The following CX3CR1 variants were observed in gnomAD, a reference collection of about 807,000 sequenced individuals.
CX3CR1 encodes CX3C chemokine receptor 1.
For synonymous variants in CX3CR1, 168 were observed against 178.5 expected (o/e 0.94, Z 0.47); for missense variants, 363 against 432.4 (o/e 0.84, Z 1.42).
chr3:39,267,736 T>G lies in CX3CR1; in HGVS notation c.-9-1218A>C, dbSNP rs537208770. On this transcript the variant is annotated intron_variant, in intron 1 of 1. Coordinates refer to ENST00000399220, the MANE Select transcript of CX3CR1 (RefSeq NM_001337.4). Reference sequence around the variant, plus strand: ...CTGGGCTAGTCTCCGGGTGACTAATTCCCCCTACGATTACCAGCCCTATAG... The same window carrying G: ...CTGGGCTAGTCTCCGGGTGACTAATGCCCCCTACGATTACCAGCCCTATAG... Among the ~76,000 whole-genome samples the G allele has an allele frequency of 2.0e-5, 3 of 152,260 alleles. No homozygotes were observed. The East Asian group carries it at 5.8e-4, about 29-fold the overall frequency.
chr3:39,266,680 C>T (rs1369128315), intron 1 of CX3CR1, 162 bp from the exon 2 acceptor site: 3 of 794,166 alleles, frequency 3.8e-6, no homozygotes, highest in Non-Finnish European at 6.8e-6. Flanking sequence ...ATCCCCACAA[C>T]AGTCTTGTGA....
chr3:39,281,932 C>G (rs11917223), upstream of CX3CR1, among the ~76,000 whole-genome samples: 39,653 of 152,140 alleles, frequency 0.26, 6,031 homozygotes, highest in East Asian at 0.67. Context: ...GAACCAGCGT[C>G]CAGTGTCAGT....
the CX3CR1 span, among the ~76,000 whole-genome samples, chr3:39,290,319 A>G: frequency 6.6e-6 from 1 of 152,146 alleles, no homozygotes; most frequent in African/African-American, 2.4e-5. Flanking sequence ...CTAAAGAAGC[A>G]GCAATCCCTC....
At chr3:39,283,402 T>C (rs1473016178), upstream of CX3CR1, among the ~76,000 whole-genome samples, 2 of 152,144 alleles carry the variant, frequency 1.3e-5, no homozygotes, top group African/African-American at 4.8e-5. Flanking sequence ...TCTTGTGCTT[T>C]ATGTATAAAA....
At chr3:39,275,012 C>A (rs1200376455) in intron 1 of CX3CR1, among the ~76,000 whole-genome samples, 2 of 152,140 alleles carry the variant, frequency 1.3e-5, no homozygotes, top group Non-Finnish European at 2.9e-5. Context: ...CAGGCGCCCA[C>A]CACCATGCCC....
Position 39,266,241 on chromosome 3 carries a change from T to C in CX3CR1, c.269A>G (p.Tyr90Cys). The C allele has an allele frequency of 3.1e-6, 5 of 1,614,154 alleles. No individual in the cohort carries two copies. Among genetic ancestry groups the C allele is most frequent in the Non-Finnish European group, 3.4e-6 (4 of 1,180,032 alleles). The change falls in exon 2 of 2, where the codon TAT (tyrosine) becomes TGT (cysteine). Residue 90 changes from tyrosine to cysteine, a missense_variant. Coordinates refer to ENST00000399220, the MANE Select transcript of CX3CR1 (RefSeq NM_001337.4). Reference protein sequence around the residue: ...FVATLPFWTHYLINEKGLHNA... With the variant: ...FVATLPFWTHCLINEKGLHNA... ...GTGGAGGCCCTTTTCATTTATCAAA[T>C]AGTGAGTCCAGAAGGGCAAAGTGGC...
chr3:39,284,177 GTTTT>G (rs755082571), upstream of CX3CR1, among the ~76,000 whole-genome samples: 4 of 149,600 alleles, frequency 2.7e-5, no homozygotes, highest in South Asian at 2.1e-4. Flanking sequence ...CATTGTCTAA[GTTTT>G]TTTTTTTTGT....
upstream of CX3CR1, among the ~76,000 whole-genome samples, chr3:39,283,088 C>T (rs559040928): frequency 8.5e-5 from 13 of 152,260 alleles, no homozygotes; most frequent in East Asian, 1.9e-3. Flanking sequence ...GACAGAGTTT[C>T]GCCATGTACC....
upstream of CX3CR1, chr3:39,286,636 C>T (rs963026286): frequency 9.1e-5 from 11 of 120,988 alleles, no homozygotes; most frequent in African/African-American, 2.9e-4. Context: ...CCGGCCTGGG[C>T]GACAGAGCGA....
the CX3CR1 span, among the ~76,000 whole-genome samples, chr3:39,292,426 G>C: frequency 6.6e-6 from 1 of 152,096 alleles, no homozygotes; most frequent in Non-Finnish European, 1.5e-5. Flanking sequence ...CTTTGTAAAG[G>C]GCCTCCTGGT....
chr3:39,284,081 T>C (rs1172631424), upstream of CX3CR1, among the ~76,000 whole-genome samples: 2 of 151,538 alleles, frequency 1.3e-5, no homozygotes, highest in South Asian at 2.1e-4. Flanking sequence ...TACAAACATA[T>C]ACACACGCTA....
At chr3:39,291,711 G>A in the CX3CR1 span, among the ~76,000 whole-genome samples, 1 of 152,208 alleles carries the variant, frequency 6.6e-6, no homozygotes, top group African/African-American at 2.4e-5. Flanking sequence ...CACCAAGAGT[G>A]ATTATTTCCA....
At chr3:39,284,321 C>T (rs1310655091), upstream of CX3CR1, among the ~76,000 whole-genome samples, 1 of 152,152 alleles carries the variant, frequency 6.6e-6, no homozygotes, top group Non-Finnish European at 1.5e-5. Context: ...GCTACCACAT[C>T]TGGCTAATTT....
intron 1 of CX3CR1, among the ~76,000 whole-genome samples, chr3:39,269,257 G>C (rs1176294446): frequency 6.6e-6 from 1 of 152,242 alleles, no homozygotes; most frequent in African/African-American, 2.4e-5. Flanking sequence ...GGAAGGGAAA[G>C]TTAGAAATAA....
At chr3:39,269,090 T>C (rs2040741141) in intron 1 of CX3CR1, among the ~76,000 whole-genome samples, 1 of 152,142 alleles carries the variant, frequency 6.6e-6, no homozygotes, top group Admixed American at 6.5e-5. Context: ...ATTGAGCTTT[T>C]ACTAAACTGT....
At chr3:39,271,959 C>T (rs2040783383) in intron 1 of CX3CR1, among the ~76,000 whole-genome samples, 1 of 152,186 alleles carries the variant, frequency 6.6e-6, no homozygotes. Flanking sequence ...TTGGGGGTGG[C>T]CCTCAGGGTG....
intron 1 of CX3CR1, among the ~76,000 whole-genome samples, chr3:39,267,833 A>T (rs1237199649): frequency 6.6e-6 from 1 of 152,130 alleles, no homozygotes; most frequent in Non-Finnish European, 1.5e-5. Flanking sequence ...AAAAAAGAAG[A>T]CACTTCTGCA....
the CX3CR1 span, among the ~76,000 whole-genome samples, chr3:39,291,348 C>T: frequency 2.6e-5 from 4 of 152,182 alleles, no homozygotes; most frequent in African/African-American, 9.7e-5. Context: ...TAAGCCACTG[C>T]GCCCAGCCCA....
At chr3:39,278,664 T>C (rs1050153794) in intron 1 of CX3CR1, among the ~76,000 whole-genome samples, 1 of 148,404 alleles carries the variant, frequency 6.7e-6, no homozygotes, top group African/African-American at 2.5e-5. Context: ...TCTTTTTTTT[T>C]TTTTTTTTTG....
Sources: gnomAD v4.1 joint callset for allele counts (sites outside exome capture counted in the v4.1 genomes callset) on GRCh38, gnomAD v4.1.1 for gene constraint, MANE v1.5 for transcripts, NCBI Gene and HGNC (gene_info 2026-07-23, HGNC 2026-07-21) for gene names.